AMDHD1: variants seen among roughly 807,000 people sequenced by gnomAD.
AMDHD1 encodes the protein amidohydrolase domain containing 1, also known as probable imidazolonepropionase.
A neutral mutation model predicts 44.1 loss-of-function variants in AMDHD1; 45 were observed. The observed-to-expected ratio is 1.02, with a 90% CI of 0.80 to 1.31. The LOEUF (loss-of-function observed/expected upper bound fraction) is 1.31, where lower values mean the gene tolerates loss of function less well. Among genes scored for constraint, AMDHD1 ranks in the 50% most tolerant of loss-of-function variants. The probability of loss-of-function intolerance (pLI) is 0.00; values close to 1 mark genes in which losing one functional copy is unlikely to be tolerated. For missense variants in AMDHD1, 586 were observed against 552.1 expected (o/e 1.06, Z -0.61); for synonymous variants, 206 against 205.0 (o/e 1.00, Z -0.04).
At position 95,967,754 on chromosome 12, in the gene AMDHD1, A is replaced by G. The variant is rs780175119; in HGVS notation, c.1194-2A>G. ...ATTTGTTGTTTTTTTTTTTTTTTCT[A>G]GATGGGAGCATTTGATTTACCAGTT... On this transcript the variant is annotated splice_acceptor_variant, in intron 8 of 8. Transcript: ENST00000266736. LOFTEE classifies it high-confidence loss of function. 1.8e-4 allele frequency: 242 copies of G among 1,377,282 alleles called. No individual in the cohort carries two copies. The highest frequency in any genetic ancestry group is 2.2e-4 in the Non-Finnish European group (227 of 1,047,786). The allele number at this position is 1,377,282 out of a possible 1,614,324, so 85.3% of individuals were successfully genotyped here. A position where few individuals can be genotyped will look rare whatever the true frequency, so the allele number is the denominator to read the frequency against.
intron 5 of AMDHD1, among the ~76,000 whole-genome samples, chr12:95,961,695 C>A (rs2080582541): frequency 6.6e-6 from 1 of 152,282 alleles, no homozygotes; most frequent in African/African-American, 2.4e-5. Context: ...ACTGCTGCCT[C>A]TCCCTCACCT....
At chr12:95,962,772 A>G (rs2080589286) in intron 6 of AMDHD1, among the ~76,000 whole-genome samples, 1 of 152,166 alleles carries the variant, frequency 6.6e-6, no homozygotes, top group Admixed American at 6.5e-5. Flanking sequence ...ATTAAAAAGA[A>G]TTACTATGCA....
chr12:95,955,016 A>G, intron 3 of AMDHD1, 41 bp downstream of exon 3: 1 of 1,595,042 alleles, frequency 6.3e-7, no homozygotes, highest in South Asian at 1.1e-5. Flanking sequence ...TAAAGCACAA[A>G]TATGAAGTCT....
At chr12:95,962,206 C>A in intron 5 of AMDHD1, 149 bp from the exon 6 acceptor site, 1 of 1,110,706 alleles carries the variant, frequency 9.0e-7, no homozygotes, top group Non-Finnish European at 1.2e-6. Context: ...GCGGAGGTTG[C>A]AGTGAGCTGA....
At chr12:95,947,607 C>T (rs1335308166) in intron 1 of AMDHD1, among the ~76,000 whole-genome samples, 2 of 63,536 alleles carry the variant, frequency 3.1e-5, no homozygotes, top group Non-Finnish European at 5.8e-5. Flanking sequence ...ACAGCCGTGC[C>T]GTCCAGGAGG....
chr12:95,943,815 TCC>T lies in AMDHD1; in HGVS notation c.137+283_137+284del, dbSNP rs2136755128. On this transcript the variant is annotated intron_variant, in intron 1 of 8. Coordinates refer to ENST00000266736, the MANE Select transcript of AMDHD1 (RefSeq NM_152435.3). ...CAACCATCAGAAGGGGTTGAGGTCC[TCC>T]CCAGTGCTTCTTAAAGGGAGGCCAG... 2.0e-5 allele frequency among the ~76,000 whole-genome samples: 3 copies of T among 152,262 alleles called. No individual in the cohort carries two copies. In the South Asian group the frequency reaches 6.2e-4, roughly 32 times the overall value.
At chr12:95,947,848 C>G (rs1308736961) in intron 1 of AMDHD1, among the ~76,000 whole-genome samples, 1 of 99,748 alleles carries the variant, frequency 1.0e-5, no homozygotes, top group African/African-American at 3.7e-5. Context: ...GCCGCCCCGT[C>G]TGGGAGGTGA....
Position 95,966,431 on chromosome 12 carries a change from T to C in AMDHD1, c.1116T>C (p.Tyr372=), listed in dbSNP as rs1396699983. ...ALAAATINAA[Y]ALGKSHTHGS... is the part of the protein sequence containing the mutation. ...CCGCTGCCACCATCAATGCAGCTTA[T>C]GCACTGGGAAAGTCTCACACACACG... Residue 372 remains tyrosine (Y), a synonymous_variant, in exon 8 of 9, where the codon TAT becomes TAC. Transcript: ENST00000266736. The C allele has an allele frequency of 8.7e-6, 14 of 1,614,132 alleles. No individual in the cohort carries two copies. The highest frequency in any genetic ancestry group is 1.0e-5 in the Non-Finnish European group (12 of 1,180,052).
chr12:95,959,978 G>T lies in AMDHD1; in HGVS notation c.588-420G>T, dbSNP rs180792339. Among the ~76,000 whole-genome samples, 526 of 119,730 alleles carry T rather than the reference G, an allele frequency of 4.4e-3. 3 individuals carry two copies. The highest frequency in any genetic ancestry group is 0.017 in the African/African-American group (502 of 30,224). The allele number at this position is 119,730 out of a possible 152,430, so 78.5% of individuals were successfully genotyped here. On this transcript the variant is annotated intron_variant, in intron 4 of 8. Transcript: ENST00000266736. ...GCCCCGATACTTTTAGTAGAGACGGGGTTTTGCCATTTTGGCCAGGCTGGT... is the reference window on the plus strand; with the variant it reads ...GCCCCGATACTTTTAGTAGAGACGGTGTTTTGCCATTTTGGCCAGGCTGGT...
At chr12:95,964,511 T>C (rs2080598838) in intron 6 of AMDHD1, among the ~76,000 whole-genome samples, 1 of 152,124 alleles carries the variant, frequency 6.6e-6, no homozygotes, top group Non-Finnish European at 1.5e-5. Flanking sequence ...CCTAAGTATT[T>C]ATGGAAGGGG....
intron 1 of AMDHD1, among the ~76,000 whole-genome samples, chr12:95,946,426 G>C (rs972561718): frequency 6.6e-6 from 1 of 152,026 alleles, no homozygotes; most frequent in Non-Finnish European, 1.5e-5. Flanking sequence ...TGTGCTCAGC[G>C]TAGAGGATGC....
intron 5 of AMDHD1, among the ~76,000 whole-genome samples, chr12:95,962,083 T>G (rs2080584937): frequency 6.6e-6 from 1 of 152,170 alleles, no homozygotes; most frequent in African/African-American, 2.4e-5. Context: ...CTGGCCAACA[T>G]GGTGAAACCC....
intron 5 of AMDHD1, among the ~76,000 whole-genome samples, chr12:95,961,018 C>T (rs748347946): frequency 6.6e-6 from 1 of 151,808 alleles, no homozygotes; most frequent in Non-Finnish European, 1.5e-5. Flanking sequence ...TGGTGGCACG[C>T]GCCTGTAATC....
At chr12:95,950,199 G>A (rs1482509076) in intron 1 of AMDHD1, among the ~76,000 whole-genome samples, 3 of 152,184 alleles carry the variant, frequency 2.0e-5, no homozygotes. Flanking sequence ...AACTGGGCCA[G>A]ATAAAAGCTG....
chr12:95,966,152 C>T (rs574662746), intron 7 of AMDHD1, among the ~76,000 whole-genome samples, 196 bp from the exon 8 acceptor site: 2 of 152,332 alleles, frequency 1.3e-5, no homozygotes, highest in South Asian at 2.1e-4. Context: ...ATATTAAATA[C>T]GCAATCCCTA....
At position 95,956,806 on chromosome 12, in the gene AMDHD1, G is replaced by A. The variant is rs200378404; in HGVS notation, c.431G>A (p.Cys144Tyr). 5.0e-6 allele frequency: 8 copies of A among 1,614,238 alleles called. No individual in the cohort carries two copies. The Admixed American group carries it at 8.3e-5, about 17-fold the overall frequency. Residue 144 changes from cysteine to tyrosine, a missense_variant, in exon 4 of 9, where the codon TGC (cysteine) becomes TAC (tyrosine). Cys to Tyr is a radical substitution (Grantham distance 194). Transcript: ENST00000266736. The part of the protein sequence containing the change: ...LFRSLQQRLQ[C>Y]MMRAGTTLVE... ...CGCTCCTTGCAGCAACGGCTCCAGT[G>A]CATGATGAGGGCTGGCACCACGCTG...
chr12:95,963,868 T>C (rs1483392859), intron 6 of AMDHD1, among the ~76,000 whole-genome samples: 1 of 151,970 alleles, frequency 6.6e-6, no homozygotes, highest in East Asian at 1.9e-4. Context: ...CCGTCTCTAT[T>C]AAAATACAAA....
chr12:95,947,731 A>C (rs1203740226), intron 1 of AMDHD1, among the ~76,000 whole-genome samples: 6 of 28,062 alleles, frequency 2.1e-4, no homozygotes, highest in Admixed American at 4.3e-4. Context: ...CAGCCCCCCC[A>C]CCCGGCCAGC....
chr12:95,950,634 G>A (rs554814215), intron 1 of AMDHD1, among the ~76,000 whole-genome samples: 35 of 152,334 alleles, frequency 2.3e-4, no homozygotes, highest in Admixed American at 2.2e-3. Context: ...TAGGAGCCAG[G>A]CCCCTGCTGC....
Sources: gnomAD v4.1 joint callset for allele counts (sites outside exome capture counted in the v4.1 genomes callset) on GRCh38, gnomAD v4.1.1 for gene constraint, MANE v1.5 for transcripts, NCBI Gene and HGNC (gene_info 2026-07-23, HGNC 2026-07-21) for gene names.